The following EEPD1 variants were observed in gnomAD, a reference collection of about 807,000 sequenced individuals.
The protein encoded by EEPD1 is endonuclease/exonuclease/phosphatase family domain containing 1, also known as endonuclease/exonuclease/phosphatase family domain-containing protein 1.
A neutral mutation model predicts 46.3 loss-of-function variants in EEPD1; 17 were observed. The ratio of observed to expected loss-of-function variants is 0.37; its 90% CI spans 0.25 to 0.55. EEPD1 has a LOEUF of 0.55. Ranked by LOEUF, EEPD1 falls within the 20% of genes least tolerant of loss-of-function variation. The probability of loss-of-function intolerance (pLI) is 0.83; values close to 1 mark genes in which losing one functional copy is unlikely to be tolerated. For synonymous variants in EEPD1, 313 were observed against 315.6 expected (o/e 0.99, Z 0.09); for missense variants, 673 against 745.6 (o/e 0.90, Z 1.13).
intron 2 of EEPD1, among the ~76,000 whole-genome samples, chr7:36,163,549 T>C (rs1784933796): frequency 6.6e-6 from 1 of 152,210 alleles, no homozygotes; most frequent in Non-Finnish European, 1.5e-5. Flanking sequence ...TAATCCAAAG[T>C]CTTTGCAGTT....
chr7:36,279,063 A>G (rs1787221917), intron 3 of EEPD1, among the ~76,000 whole-genome samples: 1 of 151,276 alleles, frequency 6.6e-6, no homozygotes. Flanking sequence ...CTTGGATAAT[A>G]GCCTAAGGAG....
intron 6 of EEPD1, 149 bp from the exon 7 acceptor site, chr7:36,296,844 G>A: frequency 4.5e-6 from 3 of 673,500 alleles, no homozygotes; most frequent in East Asian, 2.7e-5. Flanking sequence ...ATGAAATGTG[G>A]AAGAGTGAGG....
At position 36,179,783 on chromosome 7, in the gene EEPD1, A is replaced by T. The variant is rs540533472; in HGVS notation, c.878+24581A>T. Among the ~76,000 whole-genome samples, 11 of 151,842 alleles carry T rather than the reference A, an allele frequency of 7.2e-5. No homozygotes were observed. In the South Asian group the frequency reaches 2.3e-3, roughly 32 times the overall value. On this transcript the variant is annotated intron_variant, in intron 2 of 7. Transcript: ENST00000242108. Reference sequence around the variant, plus strand: ...AATGATTACGTAGAACTGTATCTGTACAGTGGTTTGCAGACTGTAGAAATC... The same window carrying T: ...AATGATTACGTAGAACTGTATCTGTTCAGTGGTTTGCAGACTGTAGAAATC...
chr7:36,260,820 A>C (rs196564), intron 3 of EEPD1, among the ~76,000 whole-genome samples: 19 of 152,134 alleles, frequency 1.2e-4, no homozygotes, highest in Non-Finnish European at 1.9e-4. Flanking sequence ...ACCAACCATG[A>C]ATTGAAAATA....
Position 36,300,007 on chromosome 7 carries a change from C to T in EEPD1, c.*801C>T. ...CTTCATCCCCTGCCTCCTTCACCAG[C>T]CTGGCTTTTGCCTGGAGCACTATTT... On this transcript the variant is annotated 3_prime_UTR_variant, in exon 8 of 8. Coordinates refer to ENST00000242108, the MANE Select transcript of EEPD1 (RefSeq NM_030636.3). 1 of 152,806 alleles carries T rather than the reference C, an allele frequency of 6.5e-6. No homozygotes were observed. Among genetic ancestry groups the T allele is most frequent in the Non-Finnish European group, 1.5e-5 (1 of 68,256 alleles). The allele number at this position is 152,806 out of a possible 1,614,324, so 9.5% of individuals were successfully genotyped here.
At chr7:36,245,093 C>T (rs908485476) in intron 3 of EEPD1, among the ~76,000 whole-genome samples, 2 of 152,136 alleles carry the variant, frequency 1.3e-5, no homozygotes, top group African/African-American at 4.8e-5. Context: ...TTACAGGTGC[C>T]TGCCACCATG....
chr7:36,197,360 C>T (rs890380937), intron 2 of EEPD1, among the ~76,000 whole-genome samples: 8 of 151,910 alleles, frequency 5.3e-5, no homozygotes, highest in African/African-American at 1.9e-4. Flanking sequence ...CCGGCCGCCC[C>T]TACTGGGAAG....
chr7:36,158,212 C>T (rs1222353574), intron 2 of EEPD1, among the ~76,000 whole-genome samples: 5 of 152,146 alleles, frequency 3.3e-5, no homozygotes, highest in African/African-American at 7.2e-5. Context: ...GCTGGGACTG[C>T]GACCCAGACC....
chr7:36,266,648 C>T (rs1271176416), intron 3 of EEPD1, among the ~76,000 whole-genome samples: 1 of 152,176 alleles, frequency 6.6e-6, no homozygotes, highest in Non-Finnish European at 1.5e-5. Context: ...AGAGTCATAT[C>T]GTGTGCAACC....
At chr7:36,211,120 C>T (rs1004508017) in intron 2 of EEPD1, among the ~76,000 whole-genome samples, 1 of 152,192 alleles carries the variant, frequency 6.6e-6, no homozygotes, top group African/African-American at 2.4e-5. Flanking sequence ...CTTCATTCAC[C>T]CCACACCAGA....
chr7:36,237,007 G>C (rs1350029847), intron 2 of EEPD1, among the ~76,000 whole-genome samples: 1 of 152,110 alleles, frequency 6.6e-6, no homozygotes, highest in Non-Finnish European at 1.5e-5. Flanking sequence ...CTCCCTCTTT[G>C]GTTCCATGCT....
intron 2 of EEPD1, among the ~76,000 whole-genome samples, chr7:36,223,697 T>C (rs1786185758): frequency 6.6e-6 from 1 of 152,098 alleles, no homozygotes; most frequent in East Asian, 1.9e-4. Flanking sequence ...AAAATAGAAA[T>C]CGAAATCCCT....
intron 3 of EEPD1, among the ~76,000 whole-genome samples, chr7:36,280,495 A>G (rs1447965431): frequency 2.6e-5 from 4 of 152,208 alleles, no homozygotes; most frequent in Non-Finnish European, 5.9e-5. Context: ...TCCACTCCTC[A>G]TCCTACTGTG....
At chr7:36,239,155 G>T (rs2115783744) in intron 3 of EEPD1, 119 bp downstream of exon 3, 1 of 1,000,330 alleles carries the variant, frequency 1.0e-6, no homozygotes, top group Non-Finnish European at 1.5e-6. Context: ...CAGTTATTTT[G>T]TATTCCTGAC....
At chr7:36,157,533 G>A (rs931834454) in intron 2 of EEPD1, among the ~76,000 whole-genome samples, 10 of 152,136 alleles carry the variant, frequency 6.6e-5, no homozygotes, top group African/African-American at 2.2e-4. Flanking sequence ...AACTACTGTC[G>A]TCAGGCAAGA....
chr7:36,261,715 C>T (rs909310363), intron 3 of EEPD1, among the ~76,000 whole-genome samples: 3 of 152,196 alleles, frequency 2.0e-5, no homozygotes, highest in Non-Finnish European at 4.4e-5. Context: ...AATAGAAGGG[C>T]AGGCAGGTGA....
Position 36,297,041 on chromosome 7 carries a change from G to A in EEPD1, c.1364G>A (p.Ser455Asn). 6.2e-7 allele frequency: 1 copy of A among 1,614,232 alleles called. No individual in the cohort carries two copies. Among genetic ancestry groups the A allele is most frequent in the Non-Finnish European group, 8.5e-7 (1 of 1,180,040 alleles). ...ILGDFGQGPD[S>N]NDYDILRKEK... ...GGGGATTTTGGCCAAGGGCCAGACA[G>A]CAATGACTATGATATCCTGAGGAAA... is the stretch of plus-strand genomic sequence containing the variant. Residue 455 changes from serine to asparagine, a missense_variant, in exon 7 of 8, where the codon AGC becomes AAC. Transcript: ENST00000242108.
At chr7:36,205,117 G>A (rs181782236) in intron 2 of EEPD1, among the ~76,000 whole-genome samples, 2 of 152,294 alleles carry the variant, frequency 1.3e-5, no homozygotes, top group African/African-American at 4.8e-5. Context: ...AGGAGTTGGT[G>A]TGTTCAGAGA....
intron 3 of EEPD1, 138 bp downstream of exon 3, chr7:36,239,174 A>T: frequency 2.3e-6 from 2 of 879,076 alleles, no homozygotes; most frequent in Non-Finnish European, 3.6e-6. Flanking sequence ...ACAGCGAATC[A>T]TGCAGAATTT....
Sources: gnomAD v4.1 joint callset for allele counts (sites outside exome capture counted in the v4.1 genomes callset) on GRCh38, gnomAD v4.1.1 for gene constraint, MANE v1.5 for transcripts, NCBI Gene and HGNC (gene_info 2026-07-23, HGNC 2026-07-21) for gene names.